The following NLGN4X variants were observed in gnomAD, a reference collection of about 807,000 sequenced individuals.
The protein encoded by NLGN4X is neuroligin-4, X-linked.
A neutral mutation model predicts 40.3 loss-of-function variants in NLGN4X; 3 were observed. That is an observed-to-expected ratio of 0.07 (90% confidence interval 0.03 to 0.19). The LOEUF is 0.19. Ranked by LOEUF, NLGN4X falls within the 10% of genes least tolerant of loss-of-function variation. The pLI is 1.00. For synonymous variants in NLGN4X, 270 were observed against 306.8 expected (o/e 0.88, Z 1.25); for missense variants, 382 against 708.3 (o/e 0.54, Z 5.23).
At chrX:6,023,569 A>G (rs2036607109) in intron 3 of NLGN4X, among the ~76,000 whole-genome samples, 2 of 111,960 alleles carry the variant, frequency 1.8e-5, no homozygotes, top group African/African-American at 6.5e-5. Context: ...TCTGACTGCT[A>G]GAAGGTGTGA....
intron 5 of NLGN4X, among the ~76,000 whole-genome samples, chrX:5,895,436 G>T (rs901197334): frequency 2.7e-5 from 3 of 111,347 alleles, no homozygotes; most frequent in Non-Finnish European, 5.7e-5. Flanking sequence ...AGTAGGGAGT[G>T]ATATACTGTA....
chrX:6,187,140 G>A (rs41309697), intron 1 of NLGN4X: 11,465 of 101,042 alleles, frequency 0.11, 573 homozygotes, highest in Admixed American at 0.15. Flanking sequence ...GTTTCACCGC[G>A]TTAGCCAGGA....
chrX:6,033,454 G>A (rs751285326), intron 2 of NLGN4X, among the ~76,000 whole-genome samples: 6 of 111,523 alleles, frequency 5.4e-5, no homozygotes, highest in Non-Finnish European at 9.4e-5. Context: ...ATTTAAGTCA[G>A]GACAAAACAT....
intron 3 of NLGN4X, among the ~76,000 whole-genome samples, chrX:5,945,665 C>T (rs964909024): frequency 4.5e-5 from 5 of 111,012 alleles, no homozygotes; most frequent in South Asian, 3.8e-4. Flanking sequence ...GGATAATGGC[C>T]TCCAGCTCAG....
chrX:5,972,027 T>G (rs929282964), intron 3 of NLGN4X, among the ~76,000 whole-genome samples: 2 of 111,776 alleles, frequency 1.8e-5, no homozygotes, highest in Non-Finnish European at 1.9e-5. Context: ...AATGGTAATC[T>G]AGTGTAGTGC....
intron 3 of NLGN4X, among the ~76,000 whole-genome samples, chrX:5,957,097 A>C (rs181175287): frequency 1.5e-3 from 166 of 111,769 alleles, no homozygotes; most frequent in African/African-American, 5.2e-3. Context: ...ACCCAAACAT[A>C]TATCTCCAGA....
chrX:5,959,966 T>C (rs1322125915), intron 3 of NLGN4X, among the ~76,000 whole-genome samples: 2 of 111,200 alleles, frequency 1.8e-5, no homozygotes, highest in Non-Finnish European at 3.8e-5. Flanking sequence ...TCTAACTTAT[T>C]CCACTGACAT....
intron 1 of NLGN4X, among the ~76,000 whole-genome samples, chrX:6,166,442 G>A (rs187141164): frequency 7.5e-4 from 83 of 111,207 alleles, no homozygotes; most frequent in African/African-American, 2.5e-3. Flanking sequence ...CAATAAAACC[G>A]ATTTCCTTTT....
intron 3 of NLGN4X, among the ~76,000 whole-genome samples, chrX:5,999,697 C>T: frequency 8.9e-6 from 1 of 111,886 alleles, no homozygotes; most frequent in Non-Finnish European, 1.9e-5. Flanking sequence ...CTTCAAACCC[C>T]AAAAGAACAA....
At chrX:5,968,508 T>TGTGTGTGTGTGTG (rs2034912564) in intron 3 of NLGN4X, among the ~76,000 whole-genome samples, 1 of 57,778 alleles carries the variant, frequency 1.7e-5, no homozygotes, top group Non-Finnish European at 3.4e-5. Context: ...TGTGTGTGTG[T>TGTGTGTGTGTGTG]TGGGGTGCTA....
At position 6,177,418 on chromosome X, in the gene NLGN4X, G is replaced by A. The variant is rs193262584; in HGVS notation, c.-305-25647C>T. 1.2e-4 allele frequency among the ~76,000 whole-genome samples: 13 copies of A among 112,007 alleles called. No individual in the cohort carries two copies. The East Asian group carries it at 3.4e-3, about 29-fold the overall frequency. On this transcript the variant is annotated intron_variant, in intron 1 of 5. Transcript: ENST00000381095. ...AAGTGATCCACCCACCTCAGTGGGT[G>A]TAATCCCAAAGTGCTGGGATTACAG...
intron 2 of NLGN4X, among the ~76,000 whole-genome samples, chrX:6,089,637 C>A (rs1044287985): frequency 2.7e-5 from 3 of 112,143 alleles, no homozygotes; most frequent in African/African-American, 9.7e-5. Context: ...CCCCTTATGA[C>A]CCCACCCCAA....
At chrX:6,211,358 C>T (rs1349598145) in intron 1 of NLGN4X, among the ~76,000 whole-genome samples, 2 of 111,344 alleles carry the variant, frequency 1.8e-5, no homozygotes, top group Admixed American at 9.6e-5. Context: ...GGAGCAAAAA[C>T]ATTAAAATAA....
chrX:6,214,733 A>G (rs1924915723), intron 1 of NLGN4X, among the ~76,000 whole-genome samples: 1 of 111,672 alleles, frequency 9.0e-6, no homozygotes, highest in African/African-American at 3.3e-5. Context: ...CGTCTCTTAA[A>G]AAGAAAAATA....
At chrX:6,172,010 T>C (rs1050924327) in intron 1 of NLGN4X, among the ~76,000 whole-genome samples, 1 of 111,547 alleles carries the variant, frequency 9.0e-6, no homozygotes, top group Non-Finnish European at 1.9e-5. Flanking sequence ...ATGTGCCTGC[T>C]TTCCCTTCAC....
intron 2 of NLGN4X, among the ~76,000 whole-genome samples, chrX:6,144,801 G>A (rs947090002): frequency 4.5e-5 from 5 of 110,999 alleles, no homozygotes; most frequent in Non-Finnish European, 9.4e-5. Context: ...TAATTCAATC[G>A]GCAACCTTAA....
chrX:5,926,378 C>T (rs2033318731), intron 3 of NLGN4X, among the ~76,000 whole-genome samples: 1 of 110,390 alleles, frequency 9.1e-6, no homozygotes, highest in Non-Finnish European at 1.9e-5. Flanking sequence ...TGGAGTTTCA[C>T]AAAATAATGA....
intron 1 of NLGN4X, among the ~76,000 whole-genome samples, chrX:6,198,021 G>A (rs1020336990): frequency 5.6e-5 from 6 of 107,997 alleles, no homozygotes; most frequent in Non-Finnish European, 7.6e-5. Flanking sequence ...CTGTAGTTAC[G>A]CCACTGCACT....
intron 2 of NLGN4X, among the ~76,000 whole-genome samples, chrX:6,140,631 G>A (rs2039929464): frequency 9.0e-6 from 1 of 110,794 alleles, no homozygotes; most frequent in Non-Finnish European, 1.9e-5. Context: ...AGGCTGGAGT[G>A]CACTGCTGTG....
Sources: allele counts gnomAD v4.1 joint callset (sites outside exome capture counted in the v4.1 genomes callset), GRCh38; gene constraint gnomAD v4.1.1; transcripts MANE v1.5; gene names NCBI Gene and HGNC (gene_info 2026-07-23, HGNC 2026-07-21).